TOM1L2: variants seen among roughly 807,000 people sequenced by gnomAD.
TOM1L2 encodes the protein target of myb1 like 2 membrane trafficking protein.
TOM1L2 carries 31 observed loss-of-function variants against 67.9 expected under a neutral mutation model. That is an observed-to-expected ratio of 0.46 (90% CI 0.34 to 0.62). The LOEUF is 0.62. TOM1L2 is among the 20% of genes least tolerant of loss of function. The probability of loss-of-function intolerance (pLI) is 0.01; values close to 1 mark genes in which losing one functional copy is unlikely to be tolerated. For synonymous variants in TOM1L2, 256 were observed against 254.0 expected (o/e 1.01, Z -0.07); for missense variants, 606 against 663.5 (o/e 0.91, Z 0.95).
intron 12 of TOM1L2, among the ~76,000 whole-genome samples, chr17:17,853,387 G>A (rs748341857): frequency 3.3e-5 from 5 of 152,178 alleles, no homozygotes; most frequent in Non-Finnish European, 5.9e-5. Context: ...GGGGTCAGGG[G>A]CCTTAAACCT....
intron 1 of TOM1L2, among the ~76,000 whole-genome samples, chr17:17,951,741 G>A (rs962177267): frequency 2.6e-4 from 39 of 152,214 alleles, no homozygotes; most frequent in African/African-American, 9.2e-4. Flanking sequence ...CATTTCCATG[G>A]GGACGTGGTG....
chr17:17,933,143 A>G (rs2040398593), intron 1 of TOM1L2, among the ~76,000 whole-genome samples: 1 of 152,168 alleles, frequency 6.6e-6, no homozygotes, highest in Admixed American at 6.5e-5. Flanking sequence ...GGACCCAGGA[A>G]CTTTTTGTCT....
chr17:17,885,691 G>A (rs948227021), intron 4 of TOM1L2, among the ~76,000 whole-genome samples: 7 of 151,994 alleles, frequency 4.6e-5, no homozygotes, highest in African/African-American at 1.2e-4. Context: ...TTGAGAGGCC[G>A]AGGCGGACGG....
intron 7 of TOM1L2, among the ~76,000 whole-genome samples, chr17:17,871,144 A>C (rs1243002581): frequency 6.7e-6 from 1 of 148,880 alleles, no homozygotes; most frequent in Admixed American, 6.6e-5. Context: ...GCCGAGGCGG[A>C]TGGATCACGA....
chr17:17,862,500 A>T (rs1301651078), intron 11 of TOM1L2: 1 of 483,014 alleles, frequency 2.1e-6, no homozygotes, highest in African/African-American at 2.0e-5. Context: ...TCACACTCCA[A>T]TCAACCCCAA....
At chr17:17,912,183 C>T (rs1348177622) in intron 1 of TOM1L2, among the ~76,000 whole-genome samples, 18 of 152,166 alleles carry the variant, frequency 1.2e-4, no homozygotes, top group East Asian at 1.9e-4. Context: ...ACCTCCCAGA[C>T]GGGGTGGTGG....
chr17:17,867,970 A>G (rs537455379), intron 8 of TOM1L2, among the ~76,000 whole-genome samples: 13 of 152,230 alleles, frequency 8.5e-5, no homozygotes, highest in Non-Finnish European at 1.6e-4. Flanking sequence ...TAACCAGGAT[A>G]GCACTTCCAG....
intron 1 of TOM1L2, among the ~76,000 whole-genome samples, chr17:17,943,740 A>G (rs1259750396): frequency 6.6e-6 from 1 of 151,936 alleles, no homozygotes; most frequent in African/African-American, 2.4e-5. Flanking sequence ...AACCTCCCAG[A>G]TCTCCCCACT....
intron 1 of TOM1L2, among the ~76,000 whole-genome samples, chr17:17,947,752 C>T (rs993755412): frequency 1.3e-5 from 2 of 152,154 alleles, no homozygotes; most frequent in African/African-American, 4.8e-5. Context: ...AGCTCAGGCT[C>T]AAAGAGGTTA....
chr17:17,946,499 CATA>C (rs1368924018), intron 1 of TOM1L2, among the ~76,000 whole-genome samples: 1 of 152,128 alleles, frequency 6.6e-6, no homozygotes, highest in Non-Finnish European at 1.5e-5. Flanking sequence ...TTTCATGAAA[CATA>C]ATATTTTTAC....
At chr17:17,928,888 C>G (rs1205939723) in intron 1 of TOM1L2, among the ~76,000 whole-genome samples, 1 of 152,126 alleles carries the variant, frequency 6.6e-6, no homozygotes, top group African/African-American at 2.4e-5. Flanking sequence ...ATTTCTGATT[C>G]ACAAAGTGCT....
intron 12 of TOM1L2, among the ~76,000 whole-genome samples, chr17:17,861,084 G>C (rs1462809296): frequency 1.3e-5 from 2 of 152,224 alleles, no homozygotes; most frequent in Non-Finnish European, 2.9e-5. Flanking sequence ...CTGTGGCACT[G>C]TAACAGGTGA....
chr17:17,858,729 T>G (rs1479528126), intron 12 of TOM1L2: 2 of 152,322 alleles, frequency 1.3e-5, no homozygotes, highest in African/African-American at 4.8e-5. Context: ...ATTACAAGCA[T>G]GCGCTGCCAC....
At chr17:17,911,845 T>G (rs2039366632) in intron 1 of TOM1L2, among the ~76,000 whole-genome samples, 1 of 146,016 alleles carries the variant, frequency 6.8e-6, no homozygotes, top group African/African-American at 2.6e-5. Flanking sequence ...GATTAGGGAG[T>G]GGTGACGACT....
chr17:17,964,058 A>G (rs2041793684), intron 1 of TOM1L2, among the ~76,000 whole-genome samples: 1 of 152,232 alleles, frequency 6.6e-6, no homozygotes, highest in Non-Finnish European at 1.5e-5. Flanking sequence ...GGCTGCCTGT[A>G]GGAAGAGGTG....
intron 1 of TOM1L2, among the ~76,000 whole-genome samples, chr17:17,922,841 C>T (rs1568285852): frequency 6.6e-6 from 1 of 152,184 alleles, no homozygotes; most frequent in South Asian, 2.1e-4. Flanking sequence ...GGGAGGGTGA[C>T]TGTCTCCAAT....
chr17:17,907,973 G>A (rs750642205), intron 1 of TOM1L2, among the ~76,000 whole-genome samples: 1 of 152,182 alleles, frequency 6.6e-6, no homozygotes, highest in Non-Finnish European at 1.5e-5. Flanking sequence ...AATTAAATGG[G>A]TTGATATACA....
chr17:17,863,563 CTTTTTT>C (rs11334951), intron 10 of TOM1L2, among the ~76,000 whole-genome samples: 1 of 130,568 alleles, frequency 7.7e-6, no homozygotes, highest in Non-Finnish European at 1.6e-5. Flanking sequence ...AGACACTAGA[CTTTTTT>C]TTTTTTTTTT....
chr17:17,938,766 G>C (rs977133745), intron 1 of TOM1L2, among the ~76,000 whole-genome samples: 9 of 144,970 alleles, frequency 6.2e-5, no homozygotes, highest in African/African-American at 2.3e-4. Context: ...GGTTGAAAGG[G>C]TTTTTTTTTT....
Sources: allele counts gnomAD v4.1 joint callset (sites outside exome capture counted in the v4.1 genomes callset), GRCh38; gene constraint gnomAD v4.1.1; transcripts MANE v1.5; gene names NCBI Gene and HGNC (gene_info 2026-07-23, HGNC 2026-07-21).